The following ADH6 variants were observed in gnomAD, a reference collection of about 807,000 sequenced individuals.
ADH6 encodes alcohol dehydrogenase 6.
ADH6 carries 34 observed loss-of-function variants against 36.5 expected under a neutral mutation model. The ratio of observed to expected loss-of-function variants is 0.93; its 90% CI spans 0.71 to 1.24. The LOEUF (loss-of-function observed/expected upper bound fraction) is 1.24, where lower values mean the gene tolerates loss of function less well. ADH6 is among the 50% of genes most tolerant of loss of function. The pLI, the probability that ADH6 is intolerant of heterozygous loss-of-function variation, is 0.00. For synonymous variants in ADH6, 161 were observed against 155.5 expected (o/e 1.04, Z -0.26); for missense variants, 440 against 447.0 (o/e 0.98, Z 0.14).
chr4:99,207,486 C>A lies in ADH6; in HGVS notation c.924G>T (p.Leu308Phe). Residue 308 changes from leucine (L) to phenylalanine (F), a missense_variant, in exon 7 of 9, where the codon TTG becomes TTT. Transcript: ENST00000394899. The stretch of plus-strand genomic sequence containing the variant: ...CCTTCAAAGAACGTCCTGAGAAGAA[C>A]AACTGGCCACTGATTTTGAGTTGAA... ...ASVQLKISGQ[L>F]FFSGRSLKGS... 6.2e-7 allele frequency: 1 copy of A among 1,613,596 alleles called. No homozygotes were observed. The highest frequency in any genetic ancestry group is 2.2e-5 in the East Asian group (1 of 44,872).
intron 2 of ADH6, among the ~76,000 whole-genome samples, chr4:99,215,010 A>T (rs1731352030): frequency 6.6e-6 from 1 of 152,180 alleles, no homozygotes; most frequent in South Asian, 2.1e-4. Flanking sequence ...AGTCTGCCCA[A>T]CCTCACCATT....
At position 99,215,900 on chromosome 4, in the gene ADH6, T is replaced by A. The variant is rs572918156; in HGVS notation, c.120+261A>T. The A allele has an allele frequency of 1.0e-3, 225 of 215,590 alleles. 1 individual carries two copies. The highest frequency in any genetic ancestry group is 4.8e-3 in the African/African-American group (211 of 44,038). 13.4% of individuals were successfully genotyped at this position (215,590 alleles called of 1,614,324 possible). On this transcript the variant is annotated intron_variant, in intron 2 of 8. Transcript: ENST00000394899. ...ATAGGGTTTGAAGGTAGAATTTTTT[T>A]AAATTAATAATTAGTACAATAGCTG... is the stretch of plus-strand genomic sequence containing the variant.
chr4:99,219,099 G>T (rs910195505), intron 1 of ADH6, 36 bp downstream of exon 1: 39 of 1,600,320 alleles, frequency 2.4e-5, no homozygotes, highest in Non-Finnish European at 2.8e-5. Context: ...AACTGACAAA[G>T]ATATGACACA....
At chr4:99,205,354 G>A (rs1730990263) in intron 7 of ADH6, among the ~76,000 whole-genome samples, 1 of 152,056 alleles carries the variant, frequency 6.6e-6, no homozygotes. Flanking sequence ...GGGGAGCAGT[G>A]AATCTATATC....
intron 7 of ADH6, among the ~76,000 whole-genome samples, chr4:99,206,973 A>C (rs1304510633): frequency 1.3e-5 from 2 of 152,096 alleles, no homozygotes; most frequent in African/African-American, 4.8e-5. Flanking sequence ...TTTTTTAATC[A>C]ATAGTATTTC....
chr4:99,213,769 CTG>C (rs763082744), intron 2 of ADH6, 22 bp from the exon 3 acceptor site: 2 of 1,562,746 alleles, frequency 1.3e-6, no homozygotes, highest in Non-Finnish European at 1.7e-6. Flanking sequence ...GCAAAGGGTA[CTG>C]CAGTTCCCGC....
intron 4 of ADH6, 51 bp downstream of exon 4, chr4:99,210,364 C>A (rs372616498): frequency 9.4e-6 from 15 of 1,594,736 alleles, no homozygotes; most frequent in Non-Finnish European, 1.3e-5. Flanking sequence ...TAGATCTTCT[C>A]CAATGAAAGT....
At chr4:99,219,069 G>T in intron 1 of ADH6, 66 bp downstream of exon 1, 1 of 1,502,974 alleles carries the variant, frequency 6.7e-7, no homozygotes, top group South Asian at 1.1e-5. Context: ...ATGAGATGTT[G>T]GTAAAGAGAT....
chr4:99,208,876 G>A lies in ADH6; in HGVS notation c.620C>T (p.Ser207Phe), dbSNP rs1731129393. The stretch of plus-strand genomic sequence containing the variant: ...TGCTGCTTTACAACCCATGACAACA[G>A]ACAAGCCGACTCCTCCCAGGCCAAA... ...AVFGLGGVGL[S>F]VVMGCKAAGA... The change falls in exon 6 of 9, where the codon TCT becomes TTT. Residue 207 changes from serine (S) to phenylalanine (F), a missense_variant. Transcript: ENST00000394899. 6.2e-7 allele frequency: 1 copy of A among 1,613,538 alleles called. No homozygotes were observed. The highest frequency in any genetic ancestry group is 1.3e-5 in the African/African-American group (1 of 74,828).
chr4:99,209,263 T>C (rs1731141431), intron 5 of ADH6, among the ~76,000 whole-genome samples: 2 of 152,050 alleles, frequency 1.3e-5, no homozygotes, highest in Admixed American at 1.3e-4. Flanking sequence ...TTCTTTAAAA[T>C]TATCTCTATC....
At position 99,219,148 on chromosome 4, in the gene ADH6, C is replaced by T; in HGVS notation, c.5G>A (p.Ser2Asn). M[S>N]TTGQVIRCKA... ...GACTGCACCTACTTGGCCTGTAGTA[C>T]TCATGCTGATTTTCTCCACCGCAGA... Residue 2 changes from serine (S) to asparagine (N), a missense_variant, in exon 1 of 9, where the codon AGT (serine) becomes AAT (asparagine). Coordinates refer to ENST00000394899, the MANE Select transcript of ADH6 (RefSeq NM_001102470.2). The T allele has an allele frequency of 1.2e-6, 2 of 1,611,730 alleles. No individual in the cohort carries two copies. Among genetic ancestry groups the T allele is most frequent in the Non-Finnish European group, 1.7e-6 (2 of 1,177,956 alleles).
intron 7 of ADH6, 108 bp downstream of exon 7, chr4:99,207,338 A>T: frequency 7.0e-7 from 1 of 1,436,358 alleles, no homozygotes; most frequent in Non-Finnish European, 9.4e-7. Context: ...AAAAATCTGT[A>T]ATATAAAGCT....
Position 99,203,583 on chromosome 4 carries a change from T to C in ADH6, c.*636A>G, listed in dbSNP as rs1730925924. 6.6e-6 allele frequency: 1 copy of C among 152,182 alleles called. No individual in the cohort carries two copies. The highest frequency in any genetic ancestry group is 1.5e-5 in the Non-Finnish European group (1 of 68,018). The allele number at this position is 152,182 out of a possible 1,614,324, so 9.4% of individuals were successfully genotyped here. ...GCTAAATGATCCACCTCCTGTATGATGACTCCCCTCATCCCTTTTTTTTCT... is the reference window on the plus strand; with the variant it reads ...GCTAAATGATCCACCTCCTGTATGACGACTCCCCTCATCCCTTTTTTTTCT... On this transcript the variant is annotated 3_prime_UTR_variant, in exon 9 of 9. Coordinates refer to ENST00000394899, the MANE Select transcript of ADH6 (RefSeq NM_001102470.2).
intron 1 of ADH6, among the ~76,000 whole-genome samples, chr4:99,216,547 A>T (rs1281738939): frequency 6.6e-6 from 1 of 152,100 alleles, no homozygotes; most frequent in Admixed American, 6.6e-5. Flanking sequence ...GATTTTAATT[A>T]AAAAAATTGT....
chr4:99,213,095 AT>A (rs1731284145), intron 3 of ADH6, among the ~76,000 whole-genome samples: 1 of 152,100 alleles, frequency 6.6e-6, no homozygotes, highest in South Asian at 2.1e-4. Flanking sequence ...AAAGAATGAG[AT>A]GGCAACCCAA....
At position 99,209,295 on chromosome 4, in the gene ADH6, G is replaced by C. The variant is rs570913541; in HGVS notation, c.568-367C>G. 2.7e-5 allele frequency among the ~76,000 whole-genome samples: 4 copies of C among 148,050 alleles called. No individual in the cohort carries two copies. In the South Asian group the frequency reaches 6.5e-4, roughly 24 times the overall value. ...TATCTTCCTACAACCATTTCTCTCT[G>C]TCTCTCTCTCTCTCTCTCGGTATCT... On this transcript the variant is annotated intron_variant, in intron 5 of 8. Transcript: ENST00000394899.
At chr4:99,207,657 C>A (rs1283328614) in intron 6 of ADH6, 76 bp from the exon 7 acceptor site, 3 of 1,456,930 alleles carry the variant, frequency 2.1e-6, no homozygotes, top group Non-Finnish European at 2.8e-6. Flanking sequence ...TTAATTTCAG[C>A]TTAACTCCTA....
rs1730912000 is a variant in ADH6 at position 99,203,090 on chromosome 4, C to T, written c.*1129G>A. 1 of 305,424 alleles carries T rather than the reference C, an allele frequency of 3.3e-6. No individual in the cohort carries two copies. Among genetic ancestry groups the T allele is most frequent in the African/African-American group, 2.1e-5 (1 of 46,514 alleles). The allele number at this position is 305,424 out of a possible 1,614,324, so 18.9% of individuals were successfully genotyped here. A position where few individuals can be genotyped will look rare whatever the true frequency, so the allele number is the denominator to read the frequency against. On this transcript the variant is annotated 3_prime_UTR_variant, in exon 9 of 9. Transcript: ENST00000394899. ...AATCAGGAAACTATTTTGTTTAGATCAAAAAATGATATTCCATTTTTTGGT... is the reference window on the plus strand; with the variant it reads ...AATCAGGAAACTATTTTGTTTAGATTAAAAAATGATATTCCATTTTTTGGT...
At position 99,213,808 on chromosome 4, in the gene ADH6, T is replaced by C. The variant is rs1731310874; in HGVS notation, c.121-61A>G. ...GTTTCAGATAATGGTGTTTTAGAGT[T>C]GTTGACTGTAAGGCTTTTTGCTAGT... is the stretch of plus-strand genomic sequence containing the variant. On this transcript the variant is annotated intron_variant, in intron 2 of 8. Transcript: ENST00000394899. 3 of 1,423,026 alleles carry C rather than the reference T, an allele frequency of 2.1e-6. No individual in the cohort carries two copies. In the East Asian group the frequency reaches 7.4e-5, roughly 35 times the overall value. The allele number at this position is 1,423,026 out of a possible 1,614,324, so 88.1% of individuals were successfully genotyped here. A position where few individuals can be genotyped will look rare whatever the true frequency, so the allele number is the denominator to read the frequency against.
Sources: gnomAD v4.1 joint callset for allele counts (sites outside exome capture counted in the v4.1 genomes callset) on GRCh38, gnomAD v4.1.1 for gene constraint, MANE v1.5 for transcripts, NCBI Gene and HGNC (gene_info 2026-07-23, HGNC 2026-07-21) for gene names.